CCDC149: variants seen among roughly 807,000 people sequenced by gnomAD.
CCDC149 encodes the protein coiled-coil domain-containing protein 149.
Under a neutral mutation model 59.9 loss-of-function variants are expected in CCDC149, and 45 were observed. The ratio of observed to expected loss-of-function variants is 0.75; its 90% CI spans 0.59 to 0.96. CCDC149 has a LOEUF of 0.96. Among genes scored for constraint, CCDC149 ranks in the 40% least tolerant of loss-of-function variants. The pLI, the probability that CCDC149 is intolerant of heterozygous loss-of-function variation, is 0.00. For missense variants in CCDC149, 584 were observed against 664.7 expected, an observed-to-expected ratio of 0.88 and a Z score of 1.33; for synonymous variants, 245 against 260.6, an observed-to-expected ratio of 0.94 and a Z score of 0.58.
chr4:24,970,439 A>T (rs1437575646), intron 1 of CCDC149, among the ~76,000 whole-genome samples: 1 of 152,158 alleles, frequency 6.6e-6, no homozygotes, highest in Non-Finnish European at 1.5e-5. Context: ...CCCCCTGGCT[A>T]GCCTGTAGCA....
Position 24,832,490 on chromosome 4 carries a change from C to T in CCDC149, c.821-840G>A, listed in dbSNP as rs143350501. 8.9e-4 allele frequency among the ~76,000 whole-genome samples: 136 copies of T among 152,342 alleles called. 1 individual carries two copies. The highest frequency in any genetic ancestry group is 8.7e-3 in the East Asian group (45 of 5,190). On this transcript the variant is annotated intron_variant, in intron 8 of 12. Transcript: ENST00000635206. ...TTCAAAATGAAAGCCAAACAACACA[C>T]ACAGTTCCATGTCATTGAAGGACTG...
At position 24,837,569 on chromosome 4, in the gene CCDC149, C is replaced by T. The variant is rs968908476; in HGVS notation, c.490-169G>A. ...ACTGAAATACAATAACAGCTAAAAG[C>T]GAGGGATGACTTCCTGCCAGACATT... On this transcript the variant is annotated intron_variant, in intron 5 of 12. Transcript: ENST00000635206. This position sits in a 1 kb window ranked among gnomAD's most constrained non-coding sequence, Gnocchi z 4.3. Among the ~76,000 whole-genome samples, 11 of 152,124 alleles carry T rather than the reference C, an allele frequency of 7.2e-5. No individual in the cohort carries two copies. Among genetic ancestry groups the T allele is most frequent in the Non-Finnish European group, 1.2e-4 (8 of 68,034 alleles).
At chr4:24,921,942 G>T (rs1722305813) in intron 1 of CCDC149, among the ~76,000 whole-genome samples, 1 of 152,130 alleles carries the variant, frequency 6.6e-6, no homozygotes, top group Non-Finnish European at 1.5e-5. Flanking sequence ...GAACTTTATT[G>T]TCTCAAAGTT....
chr4:24,920,502 T>C (rs1474957072), intron 1 of CCDC149, among the ~76,000 whole-genome samples: 1 of 152,228 alleles, frequency 6.6e-6, no homozygotes, highest in Non-Finnish European at 1.5e-5. Flanking sequence ...ACCAGTCCTC[T>C]TAAAGTCTAG....
At position 24,837,469 on chromosome 4, in the gene CCDC149, C is replaced by A. The variant is rs1008732198; in HGVS notation, c.490-69G>T. On this transcript the variant is annotated intron_variant, in intron 5 of 12. Transcript: ENST00000635206. This position sits in a 1 kb window ranked among gnomAD's most constrained non-coding sequence, Gnocchi z 4.3. The stretch of plus-strand genomic sequence containing the variant: ...TCCAGCTTTATGGCCAGAGATGGAG[C>A]CTCCCACTTGGTTGACTGATTTTTA... 13 of 1,506,506 alleles carry A rather than the reference C, an allele frequency of 8.6e-6. No individual in the cohort carries two copies. The highest frequency in any genetic ancestry group is 1.4e-5 in the African/African-American group (1 of 72,196). 93.3% of individuals were successfully genotyped at this position (1,506,506 alleles called of 1,614,324 possible).
At chr4:24,967,417 A>G (rs1442423648) in intron 1 of CCDC149, among the ~76,000 whole-genome samples, 3 of 152,176 alleles carry the variant, frequency 2.0e-5, no homozygotes, top group Non-Finnish European at 4.4e-5. Context: ...ACTATCAGGA[A>G]CTGAATAAAG....
chr4:24,973,007 C>T (rs552122977), intron 1 of CCDC149, among the ~76,000 whole-genome samples: 13 of 152,286 alleles, frequency 8.5e-5, no homozygotes, highest in Admixed American at 7.2e-4. Context: ...GTAACAAGAA[C>T]CTTGGTTTCC....
At chr4:24,962,747 G>C (rs544151840) in intron 1 of CCDC149, among the ~76,000 whole-genome samples, 6 of 151,974 alleles carry the variant, frequency 3.9e-5, no homozygotes, top group Admixed American at 1.3e-4. Flanking sequence ...GTGGGAGGAG[G>C]GGGGAGGGAT....
intron 12 of CCDC149, among the ~76,000 whole-genome samples, chr4:24,809,272 T>C (rs1714439993): frequency 6.6e-6 from 1 of 152,138 alleles, no homozygotes. Context: ...TGCCACCCCT[T>C]CTCCACGATT....
In CCDC149 at chr4:24,895,063, T is replaced by C. The variant is rs1017506177; in HGVS notation, c.63+17754A>G. The C allele has an allele frequency of 2.0e-6, 3 of 1,495,720 alleles. No homozygotes were observed. In the East Asian group the frequency reaches 7.4e-5, roughly 37 times the overall value. 92.7% of individuals were successfully genotyped at this position (1,495,720 alleles called of 1,614,324 possible). ...ACGACGATGACGACCATGATGGTGA[T>C]GATGATGAGTTAATGACGTGGCAAC... On this transcript the variant is annotated intron_variant, in intron 1 of 12. Coordinates refer to ENST00000635206, the MANE Select transcript of CCDC149 (RefSeq NM_001330643.2).
At chr4:24,942,115 A>G (rs80045889) in intron 1 of CCDC149, among the ~76,000 whole-genome samples, 37,943 of 151,966 alleles carry the variant, frequency 0.25, 5,084 homozygotes, top group African/African-American at 0.36. Context: ...TTAGACCAAT[A>G]TCCTTGATGA....
chr4:24,839,071 G>C lies in CCDC149; in HGVS notation c.373-799C>G, dbSNP rs1177726610. ...ACACACACACACACACAGAGAGAGA[G>C]AGAGAAAGAGAGAGAGAGAAAGAGA... On this transcript the variant is annotated intron_variant, in intron 4 of 12. Coordinates refer to ENST00000635206, the MANE Select transcript of CCDC149 (RefSeq NM_001330643.2). Among the ~76,000 whole-genome samples the C allele has an allele frequency of 3.9e-3, 585 of 148,994 alleles. 8 individuals are homozygous for C. The highest frequency in any genetic ancestry group is 0.014 in the African/African-American group (541 of 38,742).
chr4:24,853,380 C>G (rs1011877564), intron 3 of CCDC149: 2 of 558,790 alleles, frequency 3.6e-6, no homozygotes, highest in African/African-American at 3.8e-5. Flanking sequence ...TGGCCATGAA[C>G]CTCAATTTGG....
chr4:24,951,893 C>A (rs940656405), intron 1 of CCDC149, among the ~76,000 whole-genome samples: 2 of 152,196 alleles, frequency 1.3e-5, no homozygotes, highest in Non-Finnish European at 2.9e-5. Flanking sequence ...CTCTGAAACT[C>A]CGCAGAGGTA....
chr4:24,846,204 C>T (rs747474342), intron 4 of CCDC149, among the ~76,000 whole-genome samples: 7 of 152,158 alleles, frequency 4.6e-5, no homozygotes, highest in East Asian at 1.9e-4. Context: ...CTAGACTGGC[C>T]GCTTGCTGGA....
chr4:24,967,244 G>A (rs1033090900), intron 1 of CCDC149, among the ~76,000 whole-genome samples: 7 of 152,116 alleles, frequency 4.6e-5, no homozygotes, highest in Non-Finnish European at 7.4e-5. Flanking sequence ...ACCACGATGG[G>A]TTACTTCCAC....
At chr4:24,971,499 C>A (rs896655762) in intron 1 of CCDC149, among the ~76,000 whole-genome samples, 3 of 152,230 alleles carry the variant, frequency 2.0e-5, no homozygotes, top group African/African-American at 7.2e-5. Flanking sequence ...AGGTGGTCAC[C>A]CACATGAGCT....
chr4:24,853,520 G>A (rs545443704), intron 3 of CCDC149, among the ~76,000 whole-genome samples: 3 of 151,468 alleles, frequency 2.0e-5, no homozygotes, highest in Admixed American at 2.0e-4. Flanking sequence ...CCCGGGAGGC[G>A]GAGGTTGCAG....
chr4:24,881,171 A>C (rs979859623), intron 1 of CCDC149, among the ~76,000 whole-genome samples: 2 of 152,234 alleles, frequency 1.3e-5, no homozygotes, highest in Non-Finnish European at 2.9e-5. Flanking sequence ...CGTTTGTAGC[A>C]GCAATTTATC....
Sources: gnomAD v4.1 joint callset for allele counts (sites outside exome capture counted in the v4.1 genomes callset) on GRCh38, gnomAD v4.1.1 for gene constraint, Gnocchi (gnomAD v3.1) non-coding constraint, MANE v1.5 for transcripts, NCBI Gene and HGNC (gene_info 2026-07-23, HGNC 2026-07-21) for gene names.